NUFIP2: variants seen among roughly 807,000 people sequenced by gnomAD.
NUFIP2 encodes the protein nuclear FMR1 interacting protein 2.
A neutral mutation model predicts 56.9 loss-of-function variants in NUFIP2; 6 were observed. That is an observed-to-expected ratio of 0.11 (90% CI 0.06 to 0.21). The LOEUF (loss-of-function observed/expected upper bound fraction) is 0.21, where lower values mean the gene tolerates loss of function less well. NUFIP2 is among the 10% of genes least tolerant of loss of function. The pLI, the probability that NUFIP2 is intolerant of heterozygous loss-of-function variation, is 1.00. For synonymous variants in NUFIP2, 321 were observed against 298.2 expected, an observed-to-expected ratio of 1.08 and a Z score of -0.79; for missense variants, 828 against 826.8, an observed-to-expected ratio of 1.00 and a Z score of -0.02.
chr17:29,261,509 A>T lies in NUFIP2; in HGVS notation c.*3030T>A, dbSNP rs1410735547. On this transcript the variant is annotated 3_prime_UTR_variant, in exon 4 of 4. Transcript: ENST00000225388. ...GTATTTGGTTTATGCTACAGTACTA[A>T]TACTCTGAGTTGAAGGAAAATTCTT... The T allele has an allele frequency of 6.6e-6, 1 of 152,142 alleles. No individual in the cohort carries two copies. The allele number at this position is 152,142 out of a possible 1,614,324, so 9.4% of individuals were successfully genotyped here. A position where few individuals can be genotyped will look rare whatever the true frequency, so the allele number is the denominator to read the frequency against.
chr17:29,285,499 G>A (rs191452614), intron 2 of NUFIP2, among the ~76,000 whole-genome samples: 1 of 147,414 alleles, frequency 6.8e-6, no homozygotes, highest in African/African-American at 2.5e-5. Context: ...GCTGAGGCAG[G>A]AGAATCACTT....
At chr17:29,289,632 C>T (rs2069198819) in intron 1 of NUFIP2, among the ~76,000 whole-genome samples, 1 of 152,138 alleles carries the variant, frequency 6.6e-6, no homozygotes, top group South Asian at 2.1e-4. Context: ...TAGAAGGACA[C>T]TCCACACACA....
At chr17:29,283,925 C>T (rs558517180) in intron 2 of NUFIP2, among the ~76,000 whole-genome samples, 1 of 152,326 alleles carries the variant, frequency 6.6e-6, no homozygotes, top group South Asian at 2.1e-4. Flanking sequence ...AGCAATTCTA[C>T]TACTTCCATT....
At chr17:29,285,906 C>T (rs1180035400) in intron 2 of NUFIP2, 86 bp downstream of exon 2, 1 of 1,056,230 alleles carries the variant, frequency 9.5e-7, no homozygotes, top group Non-Finnish European at 1.4e-6. Context: ...TTAATATGAA[C>T]AACTAATTCT....
chr17:29,292,559 C>T (rs1319721136), intron 1 of NUFIP2, among the ~76,000 whole-genome samples: 1 of 151,508 alleles, frequency 6.6e-6, no homozygotes, highest in African/African-American at 2.4e-5. Flanking sequence ...GCTGGGTACC[C>T]CACCCGGCCT....
chr17:29,260,332 T>C lies in NUFIP2; in HGVS notation c.*4207A>G, dbSNP rs1372695548. 1 of 152,216 alleles carries C rather than the reference T, an allele frequency of 6.6e-6. No individual in the cohort carries two copies. The highest frequency in any genetic ancestry group is 1.5e-5 in the Non-Finnish European group (1 of 68,038). The allele number at this position is 152,216 out of a possible 1,614,324, so 9.4% of individuals were successfully genotyped here. On this transcript the variant is annotated 3_prime_UTR_variant, in exon 4 of 4. Transcript: ENST00000225388. ...AATCTGACCATAATGACCATTATAT[T>C]TGTCCCATAACATAACTGTTCTGCA...
At chr17:29,265,711 T>TAAA (rs35098158) in intron 3 of NUFIP2, among the ~76,000 whole-genome samples, 8 of 112,138 alleles carry the variant, frequency 7.1e-5, no homozygotes, top group Non-Finnish European at 8.9e-5. Context: ...TATACATGCT[T>TAAA]AAAAAAAAAA....
chr17:29,287,716 C>T lies in NUFIP2; in HGVS notation c.278G>A (p.Gly93Asp). Residue 93 changes from glycine to aspartate, a missense_variant and splice_region_variant, in exon 2 of 4, where the codon GGC becomes GAC. Gly to Asp is a moderately conservative substitution (Grantham distance 94). This residue lies in a region of NUFIP2 where 415 missense variants were observed against 408.7 expected (regional missense o/e 1.02). Coordinates refer to ENST00000225388, the MANE Select transcript of NUFIP2 (RefSeq NM_020772.3). ...AGCATTACCGTTTAGTTCACCATAG[C>T]CTAGGGGAGGGGAAAAAAAGGATTA... ...QHQETPKKKT[G>D]YGELNGNAGE... 1 of 1,566,536 alleles carries T rather than the reference C, an allele frequency of 6.4e-7. No homozygotes were observed. The highest frequency in any genetic ancestry group is 2.1e-5 in the Admixed American group (1 of 47,026).
chr17:29,294,145 A>C lies in NUFIP2; in HGVS notation c.-86T>G. ...CTGCTTCTCAGGGCTCACTCAGTAT[A>C]TCTGAGCGCGTCTCGCCAGCGCACT... is the stretch of plus-strand genomic sequence containing the variant. On this transcript the variant is annotated 5_prime_UTR_variant, in exon 1 of 4. Coordinates refer to ENST00000225388, the MANE Select transcript of NUFIP2 (RefSeq NM_020772.3). 7 of 1,464,892 alleles carry C rather than the reference A, an allele frequency of 4.8e-6. No individual in the cohort carries two copies. The highest frequency in any genetic ancestry group is 6.4e-6 in the Non-Finnish European group (7 of 1,101,314). The allele number at this position is 1,464,892 out of a possible 1,614,324, so 90.7% of individuals were successfully genotyped here. A position where few individuals can be genotyped will look rare whatever the true frequency, so the allele number is the denominator to read the frequency against.
Position 29,259,084 on chromosome 17 carries a change from TAAG to T in NUFIP2, c.*5452_*5454del, listed in dbSNP as rs956912256. 1 of 152,160 alleles carries T rather than the reference TAAG, an allele frequency of 6.6e-6. No individual in the cohort carries two copies. The highest frequency in any genetic ancestry group is 1.5e-5 in the Non-Finnish European group (1 of 68,016). The allele number at this position is 152,160 out of a possible 1,614,324, so 9.4% of individuals were successfully genotyped here. On this transcript the variant is annotated 3_prime_UTR_variant, in exon 4 of 4. Transcript: ENST00000225388. ...CATCTAGCAAAAGAAATAAGCATTT[TAAG>T]AATAAAGCAGACATCACTAAAGCAG...
At position 29,288,075 on chromosome 17, in the gene NUFIP2, ACT is replaced by A. The variant is rs551640706; in HGVS notation, c.278-361_278-360del. Among the ~76,000 whole-genome samples the A allele has an allele frequency of 2.2e-3, 333 of 152,218 alleles. 2 individuals are homozygous for A. The highest frequency in any genetic ancestry group is 7.8e-3 in the Admixed American group (119 of 15,286). ...TTTTCTTTTTTCAAGACGGAGTCTC[ACT>A]CTGTCGCCCAGGCTGGAGTGCAGTG... On this transcript the variant is annotated intron_variant, in intron 1 of 3. Transcript: ENST00000225388.
chr17:29,264,556 C>T lies in NUFIP2; in HGVS notation c.2071G>A (p.Asp691Asn), dbSNP rs758043741. ...CTGGTCCTTCATTGATCTGGACTATCCATGGCTTCATTGTAAGTGATTATC... is the reference window on the plus strand; with the variant it reads ...CTGGTCCTTCATTGATCTGGACTATTCATGGCTTCATTGTAAGTGATTATC... The part of the protein sequence containing the change: ...KRIITYNEAM[D>N]SPDQ Residue 691 changes from aspartate (D) to asparagine (N), a missense_variant, in exon 4 of 4, where the codon GAT becomes AAT. Asp to Asn is a conservative substitution (Grantham distance 23, BLOSUM62 1). Around this residue, in one of 3 missense-constraint regions of NUFIP2, gnomAD observed 404 missense variants for 380.3 expected, o/e 1.06. Coordinates refer to ENST00000225388, the MANE Select transcript of NUFIP2 (RefSeq NM_020772.3). 33 of 1,608,304 alleles carry T rather than the reference C, an allele frequency of 2.1e-5. No homozygotes were observed. Among genetic ancestry groups the T allele is most frequent in the Non-Finnish European group, 2.8e-5 (33 of 1,175,286 alleles).
At chr17:29,284,706 C>CAAAAAAAAAAAAA (rs66700326) in intron 2 of NUFIP2, among the ~76,000 whole-genome samples, 8 of 53,616 alleles carry the variant, frequency 1.5e-4, no homozygotes, top group Non-Finnish European at 2.7e-4. Flanking sequence ...GACTCCATCT[C>CAAAAAAAAAAAAA]AAAAAAAAAA....
At chr17:29,292,789 T>G (rs1446982287) in intron 1 of NUFIP2, among the ~76,000 whole-genome samples, 1 of 138,520 alleles carries the variant, frequency 7.2e-6, no homozygotes, top group African/African-American at 2.7e-5. Context: ...CGTGGCCGCT[T>G]CCCTCCCCCA....
In NUFIP2 at chr17:29,286,286, G is replaced by A. The variant is rs200633657; in HGVS notation, c.1708C>T (p.Arg570Trp). 9.3e-6 allele frequency: 15 copies of A among 1,614,156 alleles called. No individual in the cohort carries two copies. The highest frequency in any genetic ancestry group is 2.2e-5 in the East Asian group (1 of 44,884). Residue 570 changes from arginine to tryptophan, a missense_variant, in exon 2 of 4, where the codon CGG becomes TGG. This residue lies in a region of NUFIP2 where 404 missense variants were observed against 380.3 expected (regional missense o/e 1.06). Transcript: ENST00000225388. ...VFPKAYELEK[R>W]TSPQVLGSIL... ...CTACCCAGAACTTGAGGACTAGTCC[G>A]TTTCTCCAGCTCGTAAGCCTTGGGA...
In NUFIP2 at chr17:29,257,042, C is replaced by T. The variant is rs1012676249; in HGVS notation, c.*7497G>A. 1.3e-5 allele frequency: 2 copies of T among 152,186 alleles called. No individual in the cohort carries two copies. Among genetic ancestry groups the T allele is most frequent in the African/African-American group, 4.8e-5 (2 of 41,454 alleles). 9.4% of individuals were successfully genotyped at this position (152,186 alleles called of 1,614,324 possible). A position where few individuals can be genotyped will look rare whatever the true frequency, so the allele number is the denominator to read the frequency against. On this transcript the variant is annotated 3_prime_UTR_variant, in exon 4 of 4. Coordinates refer to ENST00000225388, the MANE Select transcript of NUFIP2 (RefSeq NM_020772.3). ...AAAAAGGGTCTTTCAGTTTGAATTA[C>T]TTTCCATTTCTATTTGATCAAATAA...
intron 1 of NUFIP2, 141 bp from the exon 2 acceptor site, chr17:29,287,857 G>A (rs2069187867): frequency 8.1e-6 from 7 of 861,478 alleles, no homozygotes; most frequent in South Asian, 4.2e-5. Context: ...ATCTCTATGA[G>A]AAGACACCTG....
intron 2 of NUFIP2, among the ~76,000 whole-genome samples, chr17:29,278,119 CT>C (rs1419868988): frequency 6.6e-6 from 1 of 152,162 alleles, no homozygotes; most frequent in Non-Finnish European, 1.5e-5. Context: ...TTAATGAACT[CT>C]TTTCTGAAGC....
intron 2 of NUFIP2, among the ~76,000 whole-genome samples, chr17:29,272,923 G>A (rs1478197189): frequency 2.0e-5 from 3 of 151,268 alleles, no homozygotes; most frequent in Non-Finnish European, 2.9e-5. Flanking sequence ...TGCGATCTCA[G>A]CTCACTGCAA....
Sources: allele counts gnomAD v4.1 joint callset (sites outside exome capture counted in the v4.1 genomes callset), GRCh38; gene constraint gnomAD v4.1.1; regional missense constraint gnomAD v4.1.1; transcripts MANE v1.5; gene names NCBI Gene and HGNC (gene_info 2026-07-23, HGNC 2026-07-21).